KCNIP4: variants seen among roughly 807,000 people sequenced by gnomAD.
The protein encoded by KCNIP4 is Kv channel-interacting protein 4.
KCNIP4 carries 12 observed loss-of-function variants against 34.0 expected under a neutral mutation model. The ratio of observed to expected loss-of-function variants is 0.35; its 90% confidence interval spans 0.23 to 0.57. The LOEUF (loss-of-function observed/expected upper bound fraction) is 0.57. Among genes scored for constraint, KCNIP4 ranks in the 20% least tolerant of loss-of-function variants. KCNIP4 has a pLI of 0.83. For missense variants in KCNIP4, 238 were observed against 311.7 expected (o/e 0.76, Z 1.78); for synonymous variants, 124 against 102.2 (o/e 1.21, Z -1.29).
At chr4:21,729,165 C>T (rs1183863368) in intron 1 of KCNIP4, among the ~76,000 whole-genome samples, 1 of 152,062 alleles carries the variant, frequency 6.6e-6, no homozygotes, top group African/African-American at 2.4e-5. Context: ...ATACTGAATA[C>T]AATTTTAATG....
chr4:21,526,810 C>T (rs1405734035), intron 1 of KCNIP4, among the ~76,000 whole-genome samples: 2 of 152,142 alleles, frequency 1.3e-5, no homozygotes, highest in Non-Finnish European at 2.9e-5. Context: ...ACGCTGAGAG[C>T]ACTCCAGGTT....
intron 1 of KCNIP4, among the ~76,000 whole-genome samples, chr4:21,592,962 G>A (rs573540995): frequency 6.6e-6 from 1 of 152,070 alleles, no homozygotes; most frequent in East Asian, 1.9e-4. Flanking sequence ...AGATGAATGG[G>A]AAGGAAAAAC....
intron 1 of KCNIP4, among the ~76,000 whole-genome samples, chr4:20,899,690 C>T (rs1041393369): frequency 2.6e-5 from 4 of 152,172 alleles, no homozygotes; most frequent in African/African-American, 7.2e-5. Context: ...TCAAGAATTT[C>T]ATAACTTCAA....
At chr4:21,720,833 AC>A (rs1714779431) in intron 1 of KCNIP4, among the ~76,000 whole-genome samples, 1 of 151,990 alleles carries the variant, frequency 6.6e-6, no homozygotes, top group Admixed American at 6.5e-5. Flanking sequence ...CCATGTCCCT[AC>A]AAAGGACATG....
intron 1 of KCNIP4, among the ~76,000 whole-genome samples, chr4:21,223,199 T>A (rs539603023): frequency 1.1e-4 from 16 of 152,004 alleles, no homozygotes; most frequent in Non-Finnish European, 2.1e-4. Flanking sequence ...AAAGGTGATA[T>A]AATCCTGGAA....
At chr4:21,276,342 T>G (rs939001534) in intron 1 of KCNIP4, among the ~76,000 whole-genome samples, 1 of 150,286 alleles carries the variant, frequency 6.7e-6, no homozygotes, top group Non-Finnish European at 1.5e-5. Context: ...TCAGTAGTCC[T>G]AGTAAACTGA....
chr4:21,455,473 C>A (rs1167362217), intron 1 of KCNIP4, among the ~76,000 whole-genome samples: 4 of 151,912 alleles, frequency 2.6e-5, no homozygotes, highest in African/African-American at 9.7e-5. Flanking sequence ...TGATAGAAAA[C>A]AACTAAAACG....
intron 1 of KCNIP4, among the ~76,000 whole-genome samples, chr4:21,860,162 C>A (rs1724990064): frequency 6.6e-6 from 1 of 152,152 alleles, no homozygotes; most frequent in African/African-American, 2.4e-5. Flanking sequence ...GAGATGAAGT[C>A]TCACTCTGTC....
intron 1 of KCNIP4, among the ~76,000 whole-genome samples, chr4:20,994,311 C>T (rs972529455): frequency 5.9e-5 from 9 of 152,056 alleles, no homozygotes; most frequent in South Asian, 2.1e-4. Context: ...CTGAAGCTCA[C>T]GAAGACAGAG....
intron 1 of KCNIP4, among the ~76,000 whole-genome samples, chr4:21,931,441 C>T (rs1729559689): frequency 7.8e-6 from 1 of 128,154 alleles, no homozygotes; most frequent in Non-Finnish European, 1.6e-5. Flanking sequence ...ACAACAGGCC[C>T]TGGTGTGTGA....
At chr4:21,621,598 T>C (rs1296986601) in intron 1 of KCNIP4, among the ~76,000 whole-genome samples, 1 of 151,894 alleles carries the variant, frequency 6.6e-6, no homozygotes, top group African/African-American at 2.4e-5. Flanking sequence ...GCTCAAGTAA[T>C]CCTCCCACCT....
At chr4:20,755,835 A>G (rs1754372385) in intron 4 of KCNIP4, among the ~76,000 whole-genome samples, 1 of 152,138 alleles carries the variant, frequency 6.6e-6, no homozygotes, top group Admixed American at 6.5e-5. Flanking sequence ...CAGGAGCAGC[A>G]TCATGGCTGG....
chr4:21,186,854 GC>G (rs984662361), intron 1 of KCNIP4, among the ~76,000 whole-genome samples: 2 of 152,042 alleles, frequency 1.3e-5, no homozygotes, highest in Non-Finnish European at 2.9e-5. Context: ...TTACTATGTT[GC>G]CCAGGCTGAT....
chr4:21,740,800 T>G (rs571307995), intron 1 of KCNIP4, among the ~76,000 whole-genome samples: 4 of 152,338 alleles, frequency 2.6e-5, no homozygotes, highest in African/African-American at 9.6e-5. Flanking sequence ...GCTACATAGC[T>G]ACTCTACCCA....
At chr4:21,527,587 C>T (rs552869372) in intron 1 of KCNIP4, among the ~76,000 whole-genome samples, 47 of 152,136 alleles carry the variant, frequency 3.1e-4, no homozygotes, top group African/African-American at 1.1e-3. Context: ...ATGTAAAGAG[C>T]CTACCACAGT....
At chr4:21,694,996 G>A (rs556259076) in intron 1 of KCNIP4, among the ~76,000 whole-genome samples, 117 of 150,050 alleles carry the variant, frequency 7.8e-4, no homozygotes, top group African/African-American at 2.7e-3. Flanking sequence ...AGACATGTTC[G>A]TGTTGTTTTA....
At chr4:21,681,441 T>A (rs1355790163) in intron 1 of KCNIP4, among the ~76,000 whole-genome samples, 2 of 152,194 alleles carry the variant, frequency 1.3e-5, no homozygotes, top group Non-Finnish European at 2.9e-5. Context: ...AATTTGGTTT[T>A]CAGAGGAACA....
intron 1 of KCNIP4, among the ~76,000 whole-genome samples, chr4:21,396,038 T>C (rs1318139714): frequency 6.6e-6 from 1 of 151,802 alleles, no homozygotes; most frequent in Non-Finnish European, 1.5e-5. Flanking sequence ...TATACATATA[T>C]AAGACTATGT....
chr4:21,276,003 C>T (rs1463963836), intron 1 of KCNIP4, among the ~76,000 whole-genome samples: 1 of 152,198 alleles, frequency 6.6e-6, no homozygotes, highest in Non-Finnish European at 1.5e-5. Context: ...AAAGTTTACA[C>T]ATTTGTGTTG....
Sources: allele counts gnomAD v4.1 joint callset (sites outside exome capture counted in the v4.1 genomes callset), GRCh38; gene constraint gnomAD v4.1.1; transcripts MANE v1.5; gene names NCBI Gene and HGNC (gene_info 2026-07-23, HGNC 2026-07-21).